The following DNAH7 variants were observed in gnomAD, a reference collection of about 807,000 sequenced individuals.
DNAH7 encodes the protein dynein axonemal heavy chain 7, also known as axonemal beta dynein heavy chain 7.
A neutral mutation model predicts 444.6 loss-of-function variants in DNAH7; 397 were observed. The ratio of observed to expected loss-of-function variants is 0.89; its 90% confidence interval spans 0.82 to 0.97. The LOEUF (loss-of-function observed/expected upper bound fraction) is 0.97. DNAH7 is among the 50% of genes least tolerant of loss of function. The pLI is 0.00. For synonymous variants in DNAH7, 1,636 were observed against 1,624.4 expected, an observed-to-expected ratio of 1.01 and a Z score of -0.17; for missense variants, 4,902 against 4,800.8, an observed-to-expected ratio of 1.02 and a Z score of -0.62.
At chr2:195,866,338 G>T (rs1164485869) in intron 40 of DNAH7, among the ~76,000 whole-genome samples, 1 of 151,502 alleles carries the variant, frequency 6.6e-6, no homozygotes, top group African/African-American at 2.4e-5. Flanking sequence ...ATTTCATAGT[G>T]TTATCCTTTT....
At position 195,864,356 on chromosome 2, in the gene DNAH7, T is replaced by C. The variant is rs774780273; in HGVS notation, c.7299A>G (p.Ile2433Met). 6.2e-7 allele frequency: 1 copy of C among 1,614,202 alleles called. No homozygotes were observed. The highest frequency in any genetic ancestry group is 8.5e-7 in the Non-Finnish European group (1 of 1,180,032). The change falls in exon 41 of 65, where the codon ATA (isoleucine) becomes ATG (methionine). Residue 2433 changes from isoleucine (I) to methionine (M), a missense_variant. Coordinates refer to ENST00000312428, the MANE Select transcript of DNAH7 (RefSeq NM_018897.3). ...GATCTAACTGACGCATCTTATCACA[T>C]ATCTCTTGCTTCTCATCTAATGCAA... ...NLFALDEKQE[I>M]CDKMRQLDRQ...
chr2:196,066,918 T>C (rs919440788), intron 1 of DNAH7, among the ~76,000 whole-genome samples: 1 of 152,162 alleles, frequency 6.6e-6, no homozygotes, highest in Non-Finnish European at 1.5e-5. Flanking sequence ...CACTCTAAAT[T>C]AGCATAAATG....
chr2:196,018,142 T>C (rs944906385), intron 9 of DNAH7, among the ~76,000 whole-genome samples: 2 of 152,070 alleles, frequency 1.3e-5, no homozygotes, highest in Admixed American at 6.6e-5. Flanking sequence ...AAGATATAAG[T>C]AGAGAATTCA....
Position 195,984,669 on chromosome 2 carries a change from C to T in DNAH7, c.1796G>A (p.Ser599Asn), listed in dbSNP as rs770155946. The T allele has an allele frequency of 7.4e-6, 12 of 1,613,820 alleles. No homozygotes were observed. The Admixed American group carries it at 1.8e-4, about 25-fold the overall frequency. Residue 599 changes from serine (S) to asparagine (N), a missense_variant, in exon 15 of 65, where the codon AGC becomes AAC. Ser to Asn is a conservative substitution (Grantham distance 46, BLOSUM62 1). Transcript: ENST00000312428. ...EFERIAEKAL[S>N]TPPNTAELME... ...TAGTTCTGCTGTATTTGGAGGAGTGCTAAGAGCTTTTTCAGCTATCCTCTC... is the reference window on the plus strand; with the variant it reads ...TAGTTCTGCTGTATTTGGAGGAGTGTTAAGAGCTTTTTCAGCTATCCTCTC...
At position 196,026,789 on chromosome 2, in the gene DNAH7, T is replaced by A. The variant is rs1695715242; in HGVS notation, c.638A>T (p.Asp213Val). 1 of 1,611,868 alleles carries A rather than the reference T, an allele frequency of 6.2e-7. No individual in the cohort carries two copies. Among genetic ancestry groups the A allele is most frequent in the African/African-American group, 1.3e-5 (1 of 74,862 alleles). Residue 213 changes from aspartate (D) to valine (V), a missense_variant, in exon 7 of 65, where the codon GAT becomes GTT. Asp to Val is a radical substitution (Grantham distance 152, BLOSUM62 -3). Transcript: ENST00000312428. Reference protein sequence around the residue: ...IVTLSDEMREDYLLSVRKSIV... With the variant: ...IVTLSDEMREVYLLSVRKSIV... ...GGATTTCCTTACACTAAGAAGATAA[T>A]CCTCTCTCATTTCATCAGATAATGT...
intron 60 of DNAH7, among the ~76,000 whole-genome samples, 164 bp from the exon 61 acceptor site, chr2:195,772,054 A>G (rs1694866378): frequency 6.6e-6 from 1 of 152,236 alleles, no homozygotes; most frequent in Non-Finnish European, 1.5e-5. Flanking sequence ...AACAGGCAGG[A>G]GGATGGATTT....
At chr2:195,853,001 G>A (rs996157023) in intron 46 of DNAH7, among the ~76,000 whole-genome samples, 11 of 151,754 alleles carry the variant, frequency 7.2e-5, no homozygotes, top group Admixed American at 5.3e-4. Flanking sequence ...GATGTTATCA[G>A]TAGAGGCTAC....
chr2:196,046,060 C>T (rs950071293), intron 5 of DNAH7, among the ~76,000 whole-genome samples: 9 of 151,182 alleles, frequency 6.0e-5, no homozygotes, highest in African/African-American at 2.2e-4. Flanking sequence ...TCTTACAACA[C>T]AGAAACAAAA....
intron 54 of DNAH7, among the ~76,000 whole-genome samples, chr2:195,802,556 C>T (rs1696518904): frequency 6.6e-6 from 1 of 151,994 alleles, no homozygotes; most frequent in Non-Finnish European, 1.5e-5. Flanking sequence ...GTAATCTCAG[C>T]TACTCAGGAG....
At chr2:195,907,113 A>G (rs1447265081) in intron 25 of DNAH7, 104 bp from the exon 26 acceptor site, 4 of 830,362 alleles carry the variant, frequency 4.8e-6, no homozygotes, top group Non-Finnish European at 5.5e-6. Context: ...TATCCTGTCA[A>G]AGAAATTGCT....
intron 42 of DNAH7, among the ~76,000 whole-genome samples, chr2:195,859,191 T>C (rs1029679501): frequency 2.0e-5 from 3 of 152,156 alleles, no homozygotes; most frequent in Non-Finnish European, 4.4e-5. Flanking sequence ...TGATCACTTA[T>C]TTTAAACGCA....
chr2:195,850,533 G>T (rs1256359363), intron 46 of DNAH7, among the ~76,000 whole-genome samples: 1 of 152,140 alleles, frequency 6.6e-6, no homozygotes, highest in Non-Finnish European at 1.5e-5. Context: ...CAGTTACCCT[G>T]GAAGAATTGG....
At chr2:195,826,356 C>T (rs1028954154) in intron 48 of DNAH7, among the ~76,000 whole-genome samples, 4 of 152,150 alleles carry the variant, frequency 2.6e-5, no homozygotes, top group Non-Finnish European at 5.9e-5. Flanking sequence ...ACTGTATTTT[C>T]TTGTCATGCT....
Position 195,900,364 on chromosome 2 carries a change from G to A in DNAH7, c.4466C>T (p.Ser1489Leu), listed in dbSNP as rs1337644440. 6.8e-6 allele frequency: 11 copies of A among 1,614,008 alleles called. No individual in the cohort carries two copies. Among genetic ancestry groups the A allele is most frequent in the East Asian group, 2.2e-5 (1 of 44,870 alleles). ...GTGATGTTGAGATGACAGCTGCTCT[G>A]AACACAAGCGATACGTAGCCACAAT... is the stretch of plus-strand genomic sequence containing the variant. The part of the protein sequence containing the change: ...VKIVATYRLC[S>L]EQLSSQHHYD... The change falls in exon 28 of 65, where the codon TCA (serine) becomes TTA (leucine). Residue 1489 changes from serine (S) to leucine (L), a missense_variant. By Grantham distance (145) the Ser-to-Leu change is moderately radical. Transcript: ENST00000312428.
In DNAH7 at chr2:195,858,572, C is replaced by A; in HGVS notation, c.7969G>T (p.Ala2657Ser). 6.2e-7 allele frequency: 1 copy of A among 1,613,974 alleles called. No homozygotes were observed. Among genetic ancestry groups the A allele is most frequent in the Admixed American group, 1.7e-5 (1 of 59,942 alleles). Reference protein sequence around the residue: ...DETIANEQAMASKAIKDECDA... With the variant: ...DETIANEQAMSSKAIKDECDA... ...CACTCATCTTTGATGGCTTTGGAAG[C>A]CATAGCTTGTTCATTCGCTATTGTT... The change falls in exon 43 of 65, where the codon GCT becomes TCT. Residue 2657 changes from alanine to serine, a missense_variant. Coordinates refer to ENST00000312428, the MANE Select transcript of DNAH7 (RefSeq NM_018897.3).
intron 61 of DNAH7, among the ~76,000 whole-genome samples, chr2:195,766,731 C>T (rs543219118): frequency 6.6e-6 from 1 of 151,922 alleles, no homozygotes; most frequent in Non-Finnish European, 1.5e-5. Context: ...TTGAGGTGAT[C>T]GATACCCCAT....
intron 63 of DNAH7, among the ~76,000 whole-genome samples, chr2:195,748,298 AAGG>A (rs1395920338): frequency 2.0e-5 from 3 of 152,334 alleles, no homozygotes; most frequent in Middle Eastern, 3.4e-3. Context: ...GGACCTCTTC[AAGG>A]AGAACTACAA....
chr2:195,876,354 C>T (rs1701054043), intron 37 of DNAH7, among the ~76,000 whole-genome samples, 190 bp downstream of exon 37: 1 of 152,142 alleles, frequency 6.6e-6, no homozygotes, highest in Non-Finnish European at 1.5e-5. Context: ...AGGGCAACTC[C>T]TTGTTTTAAA....
intron 29 of DNAH7, among the ~76,000 whole-genome samples, chr2:195,897,228 TATC>T (rs1702373361): frequency 6.6e-6 from 1 of 152,188 alleles, no homozygotes; most frequent in Non-Finnish European, 1.5e-5. Flanking sequence ...GTTCTTATGT[TATC>T]ATAAAAAACA....
Sources: allele counts gnomAD v4.1 joint callset (sites outside exome capture counted in the v4.1 genomes callset), GRCh38; gene constraint gnomAD v4.1.1; transcripts MANE v1.5; gene names NCBI Gene and HGNC (gene_info 2026-07-23, HGNC 2026-07-21).